The following ANKIB1 variants were observed in gnomAD, a reference collection of about 807,000 sequenced individuals.
The protein encoded by ANKIB1 is ankyrin repeat and IBR domain containing 1, also known as ankyrin repeat and IBR domain-containing protein 1.
ANKIB1 carries 43 observed loss-of-function variants against 122.1 expected under a neutral mutation model. The observed-to-expected ratio is 0.35, with a 90% confidence interval of 0.28 to 0.45. ANKIB1 has a LOEUF of 0.45. Ranked by LOEUF, ANKIB1 falls within the 20% of genes least tolerant of loss-of-function variation. The pLI, the probability that ANKIB1 is intolerant of heterozygous loss-of-function variation, is 1.00. For synonymous variants in ANKIB1, 390 were observed against 442.0 expected, an observed-to-expected ratio of 0.88 and a Z score of 1.48; for missense variants, 992 against 1,329.5, an observed-to-expected ratio of 0.75 and a Z score of 3.95.
intron 1 of ANKIB1, among the ~76,000 whole-genome samples, chr7:92,253,211 T>C (rs900916185): frequency 6.6e-6 from 1 of 152,254 alleles, no homozygotes; most frequent in Non-Finnish European, 1.5e-5. Flanking sequence ...GAATGCCTTC[T>C]CTGGCAGCAA....
intron 3 of ANKIB1, among the ~76,000 whole-genome samples, chr7:92,312,950 A>G (rs896211118): frequency 1.3e-5 from 2 of 152,154 alleles, no homozygotes; most frequent in African/African-American, 4.8e-5. Context: ...GTCTATTAGC[A>G]TGGCTTAGTA....
chr7:92,251,070 A>G (rs1801320126), intron 1 of ANKIB1, among the ~76,000 whole-genome samples: 1 of 152,196 alleles, frequency 6.6e-6, no homozygotes, highest in Non-Finnish European at 1.5e-5. Flanking sequence ...CTTAACATAG[A>G]CAGTCCTTTC....
chr7:92,283,927 G>A (rs1362704664), intron 1 of ANKIB1, among the ~76,000 whole-genome samples: 1 of 151,996 alleles, frequency 6.6e-6, no homozygotes, highest in Non-Finnish European at 1.5e-5. Flanking sequence ...TGTGCCACCA[G>A]GCACAGCTAA....
chr7:92,285,437 G>A (rs10953068), intron 1 of ANKIB1, among the ~76,000 whole-genome samples: 19 of 152,184 alleles, frequency 1.2e-4, no homozygotes, highest in Non-Finnish European at 2.8e-4. Context: ...ATTGGTGGAC[G>A]TTTTAGTCTT....
At chr7:92,310,176 G>A (rs141150618) in intron 3 of ANKIB1, among the ~76,000 whole-genome samples, 11 of 151,782 alleles carry the variant, frequency 7.2e-5, no homozygotes, top group Admixed American at 2.0e-4. Flanking sequence ...TGCTTGATAC[G>A]TATGTGTGAG....
At chr7:92,288,298 C>T (rs1008185884) in intron 1 of ANKIB1, among the ~76,000 whole-genome samples, 3 of 152,142 alleles carry the variant, frequency 2.0e-5, no homozygotes, top group Admixed American at 6.5e-5. Flanking sequence ...CTGACAAATA[C>T]GTGCACCATT....
At chr7:92,293,187 C>T (rs369265394) in intron 1 of ANKIB1, among the ~76,000 whole-genome samples, 1 of 152,074 alleles carries the variant, frequency 6.6e-6, no homozygotes, top group African/African-American at 2.4e-5. Flanking sequence ...CTTAAATACC[C>T]GTGCCTGGGT....
intron 5 of ANKIB1, among the ~76,000 whole-genome samples, chr7:92,338,869 A>G (rs1187015048): frequency 1.4e-4 from 17 of 124,620 alleles, no homozygotes; most frequent in African/African-American, 3.1e-4. Flanking sequence ...CTGAGATCGC[A>G]CCACTGCACT....
In ANKIB1 at chr7:92,398,460, A is replaced by C; in HGVS notation, c.2781A>C (p.Ala927=). The change falls in exon 20 of 20, where the codon GCA becomes GCC. Residue 927 remains alanine, a synonymous_variant. Transcript: ENST00000265742. ...ELGDSLMRLG[A]ENDPFSTDTL... ...GTGACAGCCTCATGAGACTAGGAGC[A>C]GAGAATGACCCATTTTCAACTGACA... is the stretch of plus-strand genomic sequence containing the variant. 1 of 1,613,984 alleles carries C rather than the reference A, an allele frequency of 6.2e-7. No individual in the cohort carries two copies. Among genetic ancestry groups the C allele is most frequent in the Non-Finnish European group, 8.5e-7 (1 of 1,179,874 alleles).
At chr7:92,309,962 T>TATATATATATATATATATAA (rs1030276754) in intron 3 of ANKIB1, among the ~76,000 whole-genome samples, 1 of 139,426 alleles carries the variant, frequency 7.2e-6, no homozygotes, top group African/African-American at 2.7e-5. Context: ...TATATATATA[T>TATATATATATATATATATAA]AAATTAAATG....
chr7:92,246,062 G>A lies in ANKIB1; in HGVS notation c.-548G>A. ...CTGGTGGCAGGCGACTAGGAGACTAGGGTGGTGGCGGTGGGGGTGCCAGCG... is the reference window on the plus strand; with the variant it reads ...CTGGTGGCAGGCGACTAGGAGACTAAGGTGGTGGCGGTGGGGGTGCCAGCG... On this transcript the variant is annotated 5_prime_UTR_variant, in exon 1 of 20. Coordinates refer to ENST00000265742, the MANE Select transcript of ANKIB1 (RefSeq NM_019004.2). The A allele has an allele frequency of 3.5e-6, 1 of 282,088 alleles. No individual in the cohort carries two copies. The highest frequency in any genetic ancestry group is 6.8e-6 in the Non-Finnish European group (1 of 146,046). 17.5% of individuals were successfully genotyped at this position (282,088 alleles called of 1,614,324 possible). A position where few individuals can be genotyped will look rare whatever the true frequency, so the allele number is the denominator to read the frequency against.
chr7:92,396,028 CCTTA>C (rs1157517160), intron 17 of ANKIB1: 1 of 232,544 alleles, frequency 4.3e-6, no homozygotes, highest in Non-Finnish European at 8.3e-6. Context: ...TCAAGGAAAG[CCTTA>C]CTTAAATGAG....
At chr7:92,255,661 T>G (rs1043055138) in intron 1 of ANKIB1, among the ~76,000 whole-genome samples, 1 of 152,224 alleles carries the variant, frequency 6.6e-6, no homozygotes, top group South Asian at 2.1e-4. Context: ...TGAAATATAT[T>G]TTTTTCTGTT....
At chr7:92,343,932 C>CT (rs1463953126) in intron 6 of ANKIB1, among the ~76,000 whole-genome samples, 1 of 151,940 alleles carries the variant, frequency 6.6e-6, no homozygotes, top group African/African-American at 2.4e-5. Flanking sequence ...CATTGGTGTG[C>CT]TACTATAGGA....
intron 7 of ANKIB1, among the ~76,000 whole-genome samples, chr7:92,350,586 A>G (rs1224905752): frequency 3.3e-5 from 5 of 152,208 alleles, no homozygotes; most frequent in Admixed American, 6.5e-5. Flanking sequence ...GGCCAGACAC[A>G]GTAGTTCACG....
At chr7:92,327,337 A>T (rs1268390706) in intron 4 of ANKIB1, among the ~76,000 whole-genome samples, 1 of 152,224 alleles carries the variant, frequency 6.6e-6, no homozygotes, top group Non-Finnish European at 1.5e-5. Flanking sequence ...CCAAATTTAA[A>T]TAGGAAGATT....
At chr7:92,261,559 T>C (rs1801565774) in intron 1 of ANKIB1, among the ~76,000 whole-genome samples, 2 of 152,216 alleles carry the variant, frequency 1.3e-5, no homozygotes, top group Admixed American at 1.3e-4. Flanking sequence ...TAGATGACTT[T>C]ATGTCATGAT....
chr7:92,303,279 G>C (rs1469092963), intron 2 of ANKIB1, among the ~76,000 whole-genome samples: 1 of 152,142 alleles, frequency 6.6e-6, no homozygotes, highest in Admixed American at 6.6e-5. Context: ...CATCCCACAT[G>C]CAAAAATTTG....
rs367871174 is a variant in ANKIB1 at position 92,316,050 on chromosome 7, G to T, written c.487-3280G>T. ...ACCCCTCTTCCTCTGGAATTGTGAA[G>T]GGAAAGAAAGGCAGAATAGAAGAAC... On this transcript the variant is annotated intron_variant, in intron 3 of 19. Transcript: ENST00000265742. Among the ~76,000 whole-genome samples the T allele has an allele frequency of 3.2e-4, 48 of 152,224 alleles. 1 individual carries two copies. Among genetic ancestry groups the T allele is most frequent in the African/African-American group, 9.9e-4 (41 of 41,536 alleles).
Sources: allele counts gnomAD v4.1 joint callset (sites outside exome capture counted in the v4.1 genomes callset), GRCh38; gene constraint gnomAD v4.1.1; transcripts MANE v1.5; gene names NCBI Gene and HGNC (gene_info 2026-07-23, HGNC 2026-07-21).